Variants in VPS18 observed in about 807,000 individuals in gnomAD.
VPS18 encodes the protein VPS18 core subunit of CORVET and HOPS complexes.
VPS18 carries 25 observed loss-of-function variants against 82.0 expected under a neutral mutation model. The observed-to-expected ratio is 0.30, with a 90% CI of 0.22 to 0.43. The LOEUF is 0.43. Among genes scored for constraint, VPS18 ranks in the 20% least tolerant of loss-of-function variants. The pLI is 1.00. For synonymous variants in VPS18, 523 were observed against 543.0 expected, an observed-to-expected ratio of 0.96 and a Z score of 0.51; for missense variants, 1,168 against 1,311.1, an observed-to-expected ratio of 0.89 and a Z score of 1.69.
rs1002074317 is a variant in VPS18, at chr15:40,902,462, T to C, written c.2197-154T>C. On this transcript the variant is annotated intron_variant, in intron 4 of 4. Transcript: ENST00000220509. The surrounding 1 kb of genome is among the most constrained non-coding windows in gnomAD (Gnocchi z 4.2). ...AAAATTGGAGCCCTACTACTCTAAG[T>C]AGCTTTTACATAGCTGTGGCAGCGG... 6.6e-6 allele frequency among the ~76,000 whole-genome samples: 1 copy of C among 152,242 alleles called. No homozygotes were observed. The highest frequency in any genetic ancestry group is 1.5e-5 in the Non-Finnish European group (1 of 68,040).
Position 40,900,756 on chromosome 15 carries a change from C to G in VPS18, c.1938C>G (p.Ile646Met). The G allele has an allele frequency of 1.9e-6, 3 of 1,614,210 alleles. No individual in the cohort carries two copies. The highest frequency in any genetic ancestry group is 8.5e-7 in the Non-Finnish European group (1 of 1,180,046). Reference sequence around the variant, plus strand: ...AGGTCCAGCAGGTGAGCCAGGCCATCCGCTACATGGAGTTCTGCGTGAACG... The same window carrying G: ...AGGTCCAGCAGGTGAGCCAGGCCATGCGCTACATGGAGTTCTGCGTGAACG... The part of the protein sequence containing the change: ...GGEVQQVSQA[I>M]RYMEFCVNVL... Residue 646 changes from isoleucine to methionine, a missense_variant, in exon 4 of 5, where the codon ATC becomes ATG. Physicochemically the swap from Ile to Met is conservative, Grantham distance 10. This residue lies in a region of VPS18 where 868 missense variants were observed against 939.8 expected (regional missense o/e 0.92). Transcript: ENST00000220509. This position sits in a 1 kb window ranked among gnomAD's most constrained non-coding sequence, Gnocchi z 5.4.
In VPS18 at chr15:40,901,020, C is replaced by G. The variant is rs748523592; in HGVS notation, c.2196+6C>G. ...CCGTGGACCTGGCCCTGCAGGTAAG[C>G]CAGTACGTCTTGACCCCAGCTGGGA... On this transcript the variant is annotated splice_donor_region_variant and intron_variant, in intron 4 of 4. Coordinates refer to ENST00000220509, the MANE Select transcript of VPS18 (RefSeq NM_020857.3). 2.5e-6 allele frequency: 4 copies of G among 1,594,160 alleles called. No homozygotes were observed. Among genetic ancestry groups the G allele is most frequent in the Non-Finnish European group, 2.6e-6 (3 of 1,172,984 alleles).
Position 40,903,538 on chromosome 15 carries a change from G to C in VPS18, c.*197G>C. ...TGCCAGCTTTTCATGCTGTTCTTCA[G>C]AGCTGCAGTTATGCCAGACCATCAG... is the stretch of plus-strand genomic sequence containing the variant. On this transcript the variant is annotated 3_prime_UTR_variant, in exon 5 of 5. Coordinates refer to ENST00000220509, the MANE Select transcript of VPS18 (RefSeq NM_020857.3). 1 of 716,804 alleles carries C rather than the reference G, an allele frequency of 1.4e-6. No homozygotes were observed. The highest frequency in any genetic ancestry group is 3.2e-5 in the South Asian group (1 of 31,194). 44.4% of individuals were successfully genotyped at this position (716,804 alleles called of 1,614,324 possible).
chr15:40,894,898 C>T, intron 1 of VPS18, 39 bp downstream of exon 1: 1 of 1,530,244 alleles, frequency 6.5e-7, no homozygotes, highest in Middle Eastern at 1.7e-4. Context: ...TTTCGGCTCT[C>T]CTAGCATTTG....
chr15:40,896,065 G>T lies in VPS18; in HGVS notation c.219G>T (p.Lys73Asn). 1 of 1,614,172 alleles carries T rather than the reference G, an allele frequency of 6.2e-7. No individual in the cohort carries two copies. The highest frequency in any genetic ancestry group is 8.5e-7 in the Non-Finnish European group (1 of 1,180,024). Residue 73 changes from lysine (K) to asparagine (N), a missense_variant, in exon 2 of 5, where the codon AAG (lysine) becomes AAT (asparagine). Lys to Asn is a moderately conservative substitution (Grantham distance 94). Around this residue, in one of 3 missense-constraint regions of VPS18, gnomAD observed 868 missense variants for 939.8 expected, o/e 0.92. Coordinates refer to ENST00000220509, the MANE Select transcript of VPS18 (RefSeq NM_020857.3). ...ATCAGCTGTGCATGAGCCTGGGCAA[G>T]GATACACTGCTCCGGTAATCAAGAG... ...SSNQLCMSLG[K>N]DTLLRIDLGK...
In VPS18 at chr15:40,902,399, C is replaced by G. The variant is rs986013960; in HGVS notation, c.2197-217C>G. Among the ~76,000 whole-genome samples the G allele has an allele frequency of 5.3e-5, 8 of 152,224 alleles. No individual in the cohort carries two copies. The highest frequency in any genetic ancestry group is 8.8e-5 in the Non-Finnish European group (6 of 68,046). On this transcript the variant is annotated intron_variant, in intron 4 of 4. Transcript: ENST00000220509. This position sits in a 1 kb window ranked among gnomAD's most constrained non-coding sequence, Gnocchi z 4.2. ...AAATGCTGGGATTATAGGCCTGAGC[C>G]ACTGCGCCCAGCCTCCCCGGTGATT...
chr15:40,898,807 G>A (rs1203507733), intron 2 of VPS18, 100 bp from the exon 3 acceptor site: 1 of 1,249,968 alleles, frequency 8.0e-7, no homozygotes, highest in Admixed American at 2.0e-5. Flanking sequence ...GTATATTTCA[G>A]GGAAGTAAGT....
chr15:40,895,900 C>A, intron 1 of VPS18, 38 bp from the exon 2 acceptor site: 1 of 1,613,058 alleles, frequency 6.2e-7, no homozygotes, highest in Non-Finnish European at 8.5e-7. Flanking sequence ...TCACCTGTCT[C>A]TTCCACAGCT....
chr15:40,901,878 C>T (rs997103289), intron 4 of VPS18, among the ~76,000 whole-genome samples: 1 of 152,128 alleles, frequency 6.6e-6, no homozygotes, highest in African/African-American at 2.4e-5. Context: ...TGCACTCCAG[C>T]CCGGGCAACA....
chr15:40,895,970 C>T lies in VPS18; in HGVS notation c.124C>T (p.Pro42Ser), dbSNP rs141417154. ...YVNAQLEKEVPIFTKQRIDFT... is the reference protein window; with the variant it reads ...YVNAQLEKEVSIFTKQRIDFT... ...GAATGCCCAGCTGGAGAAGGAAGTG[C>T]CCATCTTCACAAAGCAGCGCATTGA... The change falls in exon 2 of 5, where the codon CCC becomes TCC. Residue 42 changes from proline to serine, a missense_variant. By Grantham distance (74) the Pro-to-Ser change is moderately conservative. Transcript: ENST00000220509. 1.2e-6 allele frequency: 2 copies of T among 1,614,172 alleles called. No individual in the cohort carries two copies. The highest frequency in any genetic ancestry group is 1.7e-5 in the Admixed American group (1 of 60,026).
Position 40,894,731 on chromosome 15 carries a change from C to A in VPS18, c.-38C>A. 1 of 1,530,048 alleles carries A rather than the reference C, an allele frequency of 6.5e-7. No homozygotes were observed. The allele number at this position is 1,530,048 out of a possible 1,614,324, so 94.8% of individuals were successfully genotyped here. A position where few individuals can be genotyped will look rare whatever the true frequency, so the allele number is the denominator to read the frequency against. On this transcript the variant is annotated 5_prime_UTR_variant, in exon 1 of 5. Transcript: ENST00000220509. ...CCCGGGGGGGTAGCCCTTTTGTAAT[C>A]CCCAGGCCCCGGACAAAGAGCCCAG...
intron 2 of VPS18, chr15:40,898,564 C>CATTAAAAA: frequency 5.9e-6 from 2 of 340,574 alleles, no homozygotes; most frequent in Non-Finnish European, 5.6e-6. Flanking sequence ...CTCTGCCTCC[C>CATTAAAAA]GGGCTCAGGT....
rs1275201321 is a variant in VPS18, at chr15:40,903,749, C to T, written c.*408C>T. On this transcript the variant is annotated 3_prime_UTR_variant, in exon 5 of 5. Coordinates refer to ENST00000220509, the MANE Select transcript of VPS18 (RefSeq NM_020857.3). ...TGCGGCCTCTGGAATCCCAGCTCTTCTCTCTCAGAAGAAGCCTTCTCTTCC... is the reference window on the plus strand; with the variant it reads ...TGCGGCCTCTGGAATCCCAGCTCTTTTCTCTCAGAAGAAGCCTTCTCTTCC... The T allele has an allele frequency of 6.2e-6, 1 of 161,094 alleles. No homozygotes were observed. The highest frequency in any genetic ancestry group is 1.3e-5 in the Non-Finnish European group (1 of 74,346). 10.0% of individuals were successfully genotyped at this position (161,094 alleles called of 1,614,324 possible). A position where few individuals can be genotyped will look rare whatever the true frequency, so the allele number is the denominator to read the frequency against.
intron 1 of VPS18, 60 bp downstream of exon 1, chr15:40,894,919 G>A: frequency 6.7e-7 from 1 of 1,495,868 alleles, no homozygotes; most frequent in Non-Finnish European, 9.0e-7. Context: ...CGTGGGAGCA[G>A]CGAGGAGGGC....
chr15:40,902,892 G>A lies in VPS18; in HGVS notation c.2473G>A (p.Glu825Lys), dbSNP rs1460207639. The A allele has an allele frequency of 6.2e-7, 1 of 1,614,150 alleles. No individual in the cohort carries two copies. The highest frequency in any genetic ancestry group is 1.3e-5 in the African/African-American group (1 of 74,952). The change falls in exon 5 of 5, where the codon GAG (glutamate) becomes AAG (lysine). Residue 825 changes from glutamate (E) to lysine (K), a missense_variant. Transcript: ENST00000220509. This position sits in a 1 kb window ranked among gnomAD's most constrained non-coding sequence, Gnocchi z 4.2. ...CCAGGAGCTGCAGCGGGAGATGGAA[G>A]AGGCTACAGCCAGTGCCCAGCGCAT... ...HIQELQREME[E>K]ATASAQRIRR...
At position 40,902,813 on chromosome 15, in the gene VPS18, C is replaced by T. The variant is rs746599184; in HGVS notation, c.2394C>T (p.Ile798=). Reference sequence around the variant, plus strand: ...CCTTCTTTCCTGATTTCGTCACCATCGACCACTTCAAGGAGGCGATCTGCA... The same window carrying T: ...CCTTCTTTCCTGATTTCGTCACCATTGACCACTTCAAGGAGGCGATCTGCA... The part of the protein sequence containing the change: ...VLPFFPDFVT[I]DHFKEAICSS... Residue 798 remains isoleucine, a synonymous_variant, in exon 5 of 5, where the codon ATC becomes ATT. Coordinates refer to ENST00000220509, the MANE Select transcript of VPS18 (RefSeq NM_020857.3). This position sits in a 1 kb window ranked among gnomAD's most constrained non-coding sequence, Gnocchi z 4.2. 15 of 1,614,136 alleles carry T rather than the reference C, an allele frequency of 9.3e-6. No homozygotes were observed. The highest frequency in any genetic ancestry group is 2.2e-5 in the East Asian group (1 of 44,902).
Position 40,900,083 on chromosome 15 carries a change from T to C in VPS18, c.1265T>C (p.Leu422Pro), listed in dbSNP as rs780177633. Residue 422 changes from leucine (L) to proline (P), a missense_variant, in exon 4 of 5, where the codon CTG becomes CCG. By Grantham distance (98) the Leu-to-Pro change is moderately conservative (BLOSUM62 -3). Transcript: ENST00000220509. The surrounding 1 kb of genome is among the most constrained non-coding windows in gnomAD (Gnocchi z 5.4). The part of the protein sequence containing the change: ...KEYCRERPDC[L>P]DTVLAREADF... Reference sequence around the variant, plus strand: ...TATTGTCGAGAGCGGCCCGACTGCCTGGACACGGTCCTGGCCCGGGAGGCC... The same window carrying C: ...TATTGTCGAGAGCGGCCCGACTGCCCGGACACGGTCCTGGCCCGGGAGGCC... The C allele has an allele frequency of 1.9e-6, 3 of 1,613,762 alleles. No individual in the cohort carries two copies. In the African/African-American group the frequency reaches 4.0e-5, roughly 22 times the overall value.
intron 4 of VPS18, among the ~76,000 whole-genome samples, chr15:40,901,273 A>T (rs1892352859): frequency 6.6e-6 from 1 of 152,184 alleles, no homozygotes; most frequent in Non-Finnish European, 1.5e-5. Flanking sequence ...TAGTACATTT[A>T]CCTCATAGGG....
At chr15:40,898,358 C>T (rs1376951355) in intron 2 of VPS18, among the ~76,000 whole-genome samples, 1 of 152,012 alleles carries the variant, frequency 6.6e-6, no homozygotes, top group African/African-American at 2.4e-5. Context: ...CTCTGTGCCC[C>T]TAAAAGCTGA....
Sources: allele counts gnomAD v4.1 joint callset (sites outside exome capture counted in the v4.1 genomes callset), GRCh38; gene constraint gnomAD v4.1.1; regional missense constraint gnomAD v4.1.1; non-coding constraint Gnocchi (gnomAD v3.1); transcripts MANE v1.5; gene names NCBI Gene and HGNC (gene_info 2026-07-23, HGNC 2026-07-21).